The following MB21D2 variants were observed in gnomAD, a reference collection of about 807,000 sequenced individuals.
The protein encoded by MB21D2 is nucleotidyltransferase MB21D2.
MB21D2 carries 9 observed loss-of-function variants against 33.3 expected under a neutral mutation model. The observed-to-expected ratio is 0.27, with a 90% CI of 0.16 to 0.47. The LOEUF (loss-of-function observed/expected upper bound fraction) is 0.47, where lower values mean the gene tolerates loss of function less well. Among genes scored for constraint, MB21D2 ranks in the 20% least tolerant of loss-of-function variants. The pLI, the probability that MB21D2 is intolerant of heterozygous loss-of-function variation, is 0.99. For missense variants in MB21D2, 540 were observed against 624.6 expected, an observed-to-expected ratio of 0.86 and a Z score of 1.44; for synonymous variants, 241 against 236.3, an observed-to-expected ratio of 1.02 and a Z score of -0.18.
rs1207146240 is a variant in MB21D2, at chr3:192,825,538, T to C, written c.212-25888A>G. On this transcript the variant is annotated intron_variant, in intron 1 of 1. Transcript: ENST00000392452. ...TAGGAAAAGCAAACATTCTCTCCTA[T>C]TAAATGAAGCTTCCAGCCCACACAA... Among the ~76,000 whole-genome samples, 5 of 152,250 alleles carry C rather than the reference T, an allele frequency of 3.3e-5. No homozygotes were observed. In the South Asian group the frequency reaches 8.3e-4, roughly 25 times the overall value.
Position 192,851,347 on chromosome 3 carries a change from T to C in MB21D2, c.212-51697A>G, listed in dbSNP as rs539735122. Among the ~76,000 whole-genome samples the C allele has an allele frequency of 1.6e-4, 24 of 152,198 alleles. No homozygotes were observed. The South Asian group carries it at 1.7e-3, about 11-fold the overall frequency. On this transcript the variant is annotated intron_variant, in intron 1 of 1. Coordinates refer to ENST00000392452, the MANE Select transcript of MB21D2 (RefSeq NM_178496.4). ...GGAGATTTGTGTCTGCCAAGGGCTG[T>C]TGGGGAGTGGGGAGTAGAAGGTGAC...
At position 192,854,746 on chromosome 3, in the gene MB21D2, C is replaced by T. The variant is rs540305412; in HGVS notation, c.212-55096G>A. On this transcript the variant is annotated intron_variant, in intron 1 of 1. Coordinates refer to ENST00000392452, the MANE Select transcript of MB21D2 (RefSeq NM_178496.4). Reference sequence around the variant, plus strand: ...ACTTTAAATGGAAGCCAATGTCCATCTACCATTCCGAAAATCCTAAGGTCT... The same window carrying T: ...ACTTTAAATGGAAGCCAATGTCCATTTACCATTCCGAAAATCCTAAGGTCT... Among the ~76,000 whole-genome samples the T allele has an allele frequency of 4.2e-4, 64 of 152,320 alleles. 2 individuals carry two copies. The South Asian group carries it at 0.013, about 31-fold the overall frequency.
chr3:192,803,362 T>C (rs1327900983), intron 1 of MB21D2, among the ~76,000 whole-genome samples: 1 of 152,200 alleles, frequency 6.6e-6, no homozygotes, highest in East Asian at 1.9e-4. Context: ...ACACTTCTTA[T>C]TCCTTTTAAA....
intron 1 of MB21D2, among the ~76,000 whole-genome samples, chr3:192,850,842 G>C (rs2108629326): frequency 6.6e-6 from 1 of 152,308 alleles, no homozygotes; most frequent in South Asian, 2.1e-4. Context: ...GAACTCCACA[G>C]TCATTTAAGA....
In MB21D2 at chr3:192,882,320, C is replaced by G. The variant is rs1320526020; in HGVS notation, c.211+35310G>C. 4.6e-5 allele frequency among the ~76,000 whole-genome samples: 7 copies of G among 152,156 alleles called. No homozygotes were observed. In the South Asian group the frequency reaches 1.2e-3, roughly 27 times the overall value. On this transcript the variant is annotated intron_variant, in intron 1 of 1. Transcript: ENST00000392452. ...GAACTCCCGACCTCAGGTGATCTGC[C>G]TGACTTGGCCTCCCAAAGTGCTGGG...
Position 192,798,814 on chromosome 3 carries a change from G to C in MB21D2, c.1048C>G (p.Gln350Glu), listed in dbSNP as rs780355723. 6.2e-7 allele frequency: 1 copy of C among 1,612,102 alleles called. No homozygotes were observed. The highest frequency in any genetic ancestry group is 8.5e-7 in the Non-Finnish European group (1 of 1,179,510). Residue 350 changes from glutamine (Q) to glutamate (E), a missense_variant, in exon 2 of 2, where the codon CAA becomes GAA. Coordinates refer to ENST00000392452, the MANE Select transcript of MB21D2 (RefSeq NM_178496.4). This position sits in a 1 kb window ranked among gnomAD's most constrained non-coding sequence, Gnocchi z 4.8. ...CDRLPANYLA[Q>E]EDYAAHFLLG... is the part of the protein sequence containing the mutation. Reference sequence around the variant, plus strand: ...AAAAAGTGGGCTGCATAGTCTTCTTGAGCCAAGTAGTTGGCAGGAAGTCTG... The same window carrying C: ...AAAAAGTGGGCTGCATAGTCTTCTTCAGCCAAGTAGTTGGCAGGAAGTCTG...
intron 1 of MB21D2, among the ~76,000 whole-genome samples, chr3:192,819,161 T>C (rs9851013): frequency 0.59 from 88,996 of 151,910 alleles, 27,339 homozygotes; most frequent in African/African-American, 0.78. Context: ...GGGGCAAAAG[T>C]GAAGGGAGAA....
At chr3:192,863,203 G>A (rs975576257) in intron 1 of MB21D2, among the ~76,000 whole-genome samples, 2 of 152,318 alleles carry the variant, frequency 1.3e-5, no homozygotes, top group African/African-American at 2.4e-5. Flanking sequence ...GCTAGGAAGA[G>A]GCAAGGAAAA....
intron 1 of MB21D2, among the ~76,000 whole-genome samples, chr3:192,829,168 C>A (rs1217602088): frequency 6.6e-6 from 1 of 152,144 alleles, no homozygotes; most frequent in African/African-American, 2.4e-5. Context: ...CAGTACGTAG[C>A]CTTTTATAAC....
chr3:192,826,918 GTCT>G (rs1712184797), intron 1 of MB21D2, among the ~76,000 whole-genome samples: 1 of 150,238 alleles, frequency 6.7e-6, no homozygotes, highest in Admixed American at 6.6e-5. Flanking sequence ...TTGAGATGGA[GTCT>G]TGCTCTGTCG....
At chr3:192,855,145 C>T (rs1203292352) in intron 1 of MB21D2, among the ~76,000 whole-genome samples, 1 of 152,114 alleles carries the variant, frequency 6.6e-6, no homozygotes, top group Non-Finnish European at 1.5e-5. Context: ...TTGCCCAGAG[C>T]TGGAGTGCAA....
At chr3:192,916,102 A>ATATAT (rs1714459995) in intron 1 of MB21D2, among the ~76,000 whole-genome samples, 1 of 143,974 alleles carries the variant, frequency 6.9e-6, no homozygotes, top group African/African-American at 2.7e-5. Context: ...CAGGTTTTAT[A>ATATAT]TATATATATA....
intron 1 of MB21D2, among the ~76,000 whole-genome samples, chr3:192,806,905 AATTC>A (rs1255411719): frequency 1.3e-5 from 2 of 152,192 alleles, no homozygotes; most frequent in Non-Finnish European, 2.9e-5. Context: ...ATTCGAGTCC[AATTC>A]ATTTATGACC....
At position 192,848,027 on chromosome 3, in the gene MB21D2, G is replaced by A. The variant is rs370906947; in HGVS notation, c.212-48377C>T. ...TACAGCTGTAACATTAACATTGGTG[G>A]CAGCTTGTTTACATTTTCGGCCAAG... On this transcript the variant is annotated intron_variant, in intron 1 of 1. Transcript: ENST00000392452. Among the ~76,000 whole-genome samples the A allele has an allele frequency of 7.2e-5, 11 of 152,310 alleles. No individual in the cohort carries two copies. The East Asian group carries it at 1.9e-3, about 27-fold the overall frequency.
chr3:192,804,142 G>C (rs992596452), intron 1 of MB21D2, among the ~76,000 whole-genome samples: 6 of 152,244 alleles, frequency 3.9e-5, no homozygotes, highest in Admixed American at 2.6e-4. Context: ...CATGCTTTCA[G>C]TTATTTACTG....
chr3:192,846,036 AT>A (rs781308259), intron 1 of MB21D2, among the ~76,000 whole-genome samples: 211 of 152,282 alleles, frequency 1.4e-3, no homozygotes, highest in Non-Finnish European at 2.3e-3. Flanking sequence ...GTGAACCATG[AT>A]CATGCCACTG....
chr3:192,838,663 C>T (rs1224912190), intron 1 of MB21D2, among the ~76,000 whole-genome samples: 2 of 152,074 alleles, frequency 1.3e-5, no homozygotes, highest in African/African-American at 2.4e-5. Context: ...TTCCTGACCT[C>T]GTGATCTGCC....
intron 1 of MB21D2, among the ~76,000 whole-genome samples, chr3:192,832,272 C>A (rs1379092448): frequency 6.6e-6 from 1 of 152,150 alleles, no homozygotes; most frequent in Non-Finnish European, 1.5e-5. Context: ...GATATTTTTT[C>A]TTGGATCAAA....
chr3:192,878,410 A>G (rs904382188), intron 1 of MB21D2, among the ~76,000 whole-genome samples: 6 of 152,210 alleles, frequency 3.9e-5, no homozygotes, highest in African/African-American at 1.4e-4. Flanking sequence ...GAGAAGAAAT[A>G]AAAAGCTTAG....
Sources: gnomAD v4.1 joint callset for allele counts (sites outside exome capture counted in the v4.1 genomes callset) on GRCh38, gnomAD v4.1.1 for gene constraint, Gnocchi (gnomAD v3.1) non-coding constraint, MANE v1.5 for transcripts, NCBI Gene and HGNC (gene_info 2026-07-23, HGNC 2026-07-21) for gene names.